The following FFAR4 variants were observed in gnomAD, a reference collection of about 807,000 sequenced individuals.
The protein encoded by FFAR4 is G-protein coupled receptor 120.
FFAR4 carries 19 observed loss-of-function variants against 27.0 expected under a neutral mutation model. The ratio of observed to expected loss-of-function variants is 0.70; its 90% CI spans 0.49 to 1.03. FFAR4 has a LOEUF of 1.03. Ranked by LOEUF, FFAR4 falls within the 50% of genes least tolerant of loss-of-function variation. The probability of loss-of-function intolerance (pLI) is 0.00; values close to 1 mark genes in which losing one functional copy is unlikely to be tolerated. For synonymous variants in FFAR4, 254 were observed against 215.6 expected, an observed-to-expected ratio of 1.18 and a Z score of -1.56; for missense variants, 476 against 479.0, an observed-to-expected ratio of 0.99 and a Z score of 0.06.
At chr10:93,585,102 C>G (rs2058219497) in intron 2 of FFAR4, among the ~76,000 whole-genome samples, 1 of 152,202 alleles carries the variant, frequency 6.6e-6, no homozygotes, top group African/African-American at 2.4e-5. Flanking sequence ...CCTTCCATTA[C>G]TCCCCCTCTT....
intron 2 of FFAR4, chr10:93,579,129 A>G: frequency 9.9e-6 from 16 of 1,611,984 alleles, no homozygotes; most frequent in Non-Finnish European, 1.4e-5. Flanking sequence ...GTCTAAACCC[A>G]CAGCCGGCCT....
At chr10:93,577,084 T>C (rs2058168360) in intron 2 of FFAR4, among the ~76,000 whole-genome samples, 1 of 152,036 alleles carries the variant, frequency 6.6e-6, no homozygotes. Context: ...TTAAAACAAA[T>C]ATGTACAGGG....
chr10:93,579,948 T>TA (rs1451791786), intron 2 of FFAR4, among the ~76,000 whole-genome samples: 1 of 152,258 alleles, frequency 6.6e-6, no homozygotes, highest in African/African-American at 2.4e-5. Flanking sequence ...GATAATGTTT[T>TA]AAAAATCACA....
At chr10:93,581,205 G>C (rs998117199) in intron 2 of FFAR4, among the ~76,000 whole-genome samples, 5 of 152,248 alleles carry the variant, frequency 3.3e-5, no homozygotes, top group Admixed American at 2.6e-4. Context: ...ATGGCTTGCA[G>C]ATGGAAAACC....
At chr10:93,584,481 T>C (rs11187530) in intron 2 of FFAR4, among the ~76,000 whole-genome samples, 11,516 of 152,004 alleles carry the variant, frequency 0.076, 530 homozygotes, top group Non-Finnish European at 0.097. Context: ...AAATCTAGAG[T>C]AGGTATGAAG....
intron 1 of FFAR4, among the ~76,000 whole-genome samples, chr10:93,569,686 G>A (rs913823969): frequency 6.6e-6 from 1 of 152,008 alleles, no homozygotes; most frequent in African/African-American, 2.4e-5. Context: ...GTGCACTGGG[G>A]GCCAGGTGAG....
chr10:93,566,912 G>T lies in FFAR4; in HGVS notation c.192G>T (p.Leu64=), dbSNP rs1168749664. The change falls in exon 1 of 3, where the codon CTG becomes CTT. Residue 64 remains leucine (L), a synonymous_variant. Transcript: ENST00000371481. ...TGGGCAACGTGTGCGCCCTGGTGCT[G>T]GTGGCGCGCCGACGACGCCGCGGCG... ...SLLGNVCALV[L]VARRRRRGAT... 1.2e-6 allele frequency: 2 copies of T among 1,608,864 alleles called. No homozygotes were observed. The highest frequency in any genetic ancestry group is 1.7e-6 in the Non-Finnish European group (2 of 1,178,694).
intron 2 of FFAR4, among the ~76,000 whole-genome samples, chr10:93,583,751 A>C (rs1327275690): frequency 6.6e-6 from 1 of 152,252 alleles, no homozygotes; most frequent in Non-Finnish European, 1.5e-5. Flanking sequence ...CTCATCTGTA[A>C]AATGGGGATC....
In FFAR4 at chr10:93,574,311, A is replaced by G. The variant is rs1379570425; in HGVS notation, c.568-1780A>G. On this transcript the variant is annotated intron_variant, in intron 1 of 2. Coordinates refer to ENST00000371481, the MANE Select transcript of FFAR4 (RefSeq NM_001195755.2). ...AGACATTCTGGAAAAGGCTTTTGGA[A>G]AGAGTTGGGGGTCTTAAGAAAAGCT... 2.0e-5 allele frequency among the ~76,000 whole-genome samples: 3 copies of G among 152,280 alleles called. No homozygotes were observed. The East Asian group carries it at 5.8e-4, about 29-fold the overall frequency.
Position 93,589,478 on chromosome 10 carries a change from G to A in FFAR4, c.*1869G>A, listed in dbSNP as rs2058249867. ...GTAAAACAAAGATGATTTATTGATG[G>A]GAAGGATGGAATTGATAGAATGTGA... is the stretch of plus-strand genomic sequence containing the variant. On this transcript the variant is annotated 3_prime_UTR_variant, in exon 3 of 3. Coordinates refer to ENST00000371481, the MANE Select transcript of FFAR4 (RefSeq NM_001195755.2). The A allele has an allele frequency of 1.3e-5, 2 of 152,022 alleles. No individual in the cohort carries two copies. The highest frequency in any genetic ancestry group is 4.8e-5 in the African/African-American group (2 of 41,384). The allele number at this position is 152,022 out of a possible 1,614,324, so 9.4% of individuals were successfully genotyped here.
chr10:93,584,356 A>G (rs927967069), intron 2 of FFAR4, among the ~76,000 whole-genome samples: 6 of 152,130 alleles, frequency 3.9e-5, no homozygotes, highest in African/African-American at 1.4e-4. Flanking sequence ...ACTGAGCTAG[A>G]TTTTCAGAGA....
rs2058245074 is a variant in FFAR4, at chr10:93,588,672, ACTATAT to A, written c.*1070_*1075del. 6.6e-6 allele frequency: 1 copy of A among 152,136 alleles called. No individual in the cohort carries two copies. Among genetic ancestry groups the A allele is most frequent in the African/African-American group, 2.4e-5 (1 of 41,420 alleles). 9.4% of individuals were successfully genotyped at this position (152,136 alleles called of 1,614,324 possible). A position where few individuals can be genotyped will look rare whatever the true frequency, so the allele number is the denominator to read the frequency against. ...AGAAAAACTAAATAAAAGTCAATAA[ACTATAT>A]CTATATACAGATACCTATATATTTG... On this transcript the variant is annotated 3_prime_UTR_variant, in exon 3 of 3. Transcript: ENST00000371481.
chr10:93,578,294 G>C (rs2058176837), intron 2 of FFAR4, among the ~76,000 whole-genome samples: 1 of 151,746 alleles, frequency 6.6e-6, no homozygotes, highest in Non-Finnish European at 1.5e-5. Flanking sequence ...GTGGGCGTCT[G>C]TAATCCCAGC....
intron 1 of FFAR4, among the ~76,000 whole-genome samples, chr10:93,568,469 G>C (rs2058113227): frequency 1.3e-5 from 2 of 152,192 alleles, no homozygotes; most frequent in African/African-American, 4.8e-5. Context: ...GGCGCCCTGA[G>C]TAATCGTGGC....
At chr10:93,583,436 G>T (rs1434576459) in intron 2 of FFAR4, among the ~76,000 whole-genome samples, 1 of 151,444 alleles carries the variant, frequency 6.6e-6, no homozygotes, top group Non-Finnish European at 1.5e-5. Context: ...AAAAAAGTAG[G>T]ACGCCTGGAC....
At chr10:93,570,295 C>A (rs747959550) in intron 1 of FFAR4, among the ~76,000 whole-genome samples, 3 of 150,874 alleles carry the variant, frequency 2.0e-5, no homozygotes, top group Non-Finnish European at 4.4e-5. Flanking sequence ...TAGAAAACAT[C>A]CAATATTATA....
chr10:93,567,263 G>A lies in FFAR4; in HGVS notation c.543G>A (p.Pro181=), dbSNP rs545232606. ...LPLCVFFRVV[P]QRLPGADQEI... ...TCTGCGTCTTCTTCCGAGTCGTCCC[G>A]CAACGGCTCCCCGGCGCCGACCAGG... Residue 181 remains proline, a synonymous_variant, in exon 1 of 3, where the codon CCG becomes CCA. Coordinates refer to ENST00000371481, the MANE Select transcript of FFAR4 (RefSeq NM_001195755.2). 8.1e-6 allele frequency: 13 copies of A among 1,600,144 alleles called. No individual in the cohort carries two copies. The African/African-American group carries it at 1.3e-4, about 16-fold the overall frequency.
At chr10:93,579,126 C>T in intron 2 of FFAR4, 1 of 1,609,896 alleles carries the variant, frequency 6.2e-7, no homozygotes, top group Non-Finnish European at 8.5e-7. Context: ...TGTGTCTAAA[C>T]CCACAGCCGG....
chr10:93,585,355 C>T (rs1374297723), intron 2 of FFAR4, among the ~76,000 whole-genome samples: 2 of 152,216 alleles, frequency 1.3e-5, no homozygotes, highest in Non-Finnish European at 2.9e-5. Flanking sequence ...CCCCCAGTTG[C>T]CACCTCTCAA....
Sources: allele counts gnomAD v4.1 joint callset (sites outside exome capture counted in the v4.1 genomes callset), GRCh38; gene constraint gnomAD v4.1.1; transcripts MANE v1.5; gene names NCBI Gene and HGNC (gene_info 2026-07-23, HGNC 2026-07-21).